CTNND2: variants seen among roughly 807,000 people sequenced by gnomAD.
CTNND2 encodes catenin delta 2.
CTNND2 carries 22 observed loss-of-function variants against 144.4 expected under a neutral mutation model. The ratio of observed to expected loss-of-function variants is 0.15; its 90% CI spans 0.11 to 0.22. CTNND2 has a LOEUF of 0.22. CTNND2 is among the 10% of genes least tolerant of loss of function. The pLI is 1.00. For missense variants in CTNND2, 1,353 were observed against 1,618.8 expected, an observed-to-expected ratio of 0.84 and a Z score of 2.82; for synonymous variants, 751 against 695.6, an observed-to-expected ratio of 1.08 and a Z score of -1.25.
At chr5:11,650,576 A>T (rs1207031424) in intron 2 of CTNND2, among the ~76,000 whole-genome samples, 1 of 152,148 alleles carries the variant, frequency 6.6e-6, no homozygotes. Flanking sequence ...CTTTCTAGAG[A>T]TTTGTTATAT....
At chr5:11,062,488 T>A (rs895395173) in intron 16 of CTNND2, among the ~76,000 whole-genome samples, 1 of 152,252 alleles carries the variant, frequency 6.6e-6, no homozygotes, top group African/African-American at 2.4e-5. Context: ...GCTGCTTTTC[T>A]CTTTACGTGA....
intron 1 of CTNND2, among the ~76,000 whole-genome samples, chr5:11,777,654 G>A (rs921828479): frequency 1.3e-5 from 2 of 152,120 alleles, no homozygotes; most frequent in African/African-American, 4.8e-5. Context: ...GCCTAAAGCA[G>A]GGGAAATGCA....
At chr5:11,467,036 C>A (rs928900788) in intron 3 of CTNND2, among the ~76,000 whole-genome samples, 1 of 152,228 alleles carries the variant, frequency 6.6e-6, no homozygotes, top group African/African-American at 2.4e-5. Context: ...AATGCCCAGG[C>A]TCAAAGGTGG....
At chr5:11,650,995 G>A (rs895281065) in intron 2 of CTNND2, among the ~76,000 whole-genome samples, 2 of 152,212 alleles carry the variant, frequency 1.3e-5, no homozygotes, top group African/African-American at 4.8e-5. Context: ...GCCAGCTGCA[G>A]AAATTTGCAT....
At chr5:11,045,651 C>T (rs534125040) in intron 16 of CTNND2, among the ~76,000 whole-genome samples, 1 of 152,268 alleles carries the variant, frequency 6.6e-6, no homozygotes, top group African/African-American at 2.4e-5. Context: ...TCTTGTGTCT[C>T]TTACAAGGAC....
intron 3 of CTNND2, among the ~76,000 whole-genome samples, chr5:11,435,997 TTGAGA>T (rs1763738083): frequency 6.6e-6 from 1 of 151,908 alleles, no homozygotes; most frequent in African/African-American, 2.4e-5. Flanking sequence ...ACTAGGAGCG[TTGAGA>T]TAACTGGAAT....
Position 11,406,505 on chromosome 5 carries a change from T to C in CTNND2, c.439+5031A>G, listed in dbSNP as rs746061056. Among the ~76,000 whole-genome samples, 32 of 152,330 alleles carry C rather than the reference T, an allele frequency of 2.1e-4. 1 individual carries two copies. The highest frequency in any genetic ancestry group is 2.1e-4 in the Non-Finnish European group (14 of 68,038). On this transcript the variant is annotated intron_variant, in intron 5 of 21. Transcript: ENST00000304623. ...ACCTCTTCTGCATCTTTTGGTGTCA[T>C]GCTTAACACGAATTATGAAAACATT... is the stretch of plus-strand genomic sequence containing the variant.
Position 11,426,995 on chromosome 5 carries a change from T to C in CTNND2, c.288-14926A>G, listed in dbSNP as rs1762836688. The stretch of plus-strand genomic sequence containing the variant: ...CTCCTGCTGCAGTAAGAACAAAGCA[T>C]AGGGAAATGCATGAGCTATGAAATA... On this transcript the variant is annotated intron_variant, in intron 3 of 21. Coordinates refer to ENST00000304623, the MANE Select transcript of CTNND2 (RefSeq NM_001332.4). 2.0e-5 allele frequency among the ~76,000 whole-genome samples: 3 copies of C among 152,156 alleles called. No homozygotes were observed. In the South Asian group the frequency reaches 6.2e-4, roughly 32 times the overall value.
At chr5:11,590,109 G>A (rs545430126) in intron 2 of CTNND2, among the ~76,000 whole-genome samples, 8 of 150,344 alleles carry the variant, frequency 5.3e-5, no homozygotes, top group Non-Finnish European at 1.0e-4. Context: ...GCAGTGACGC[G>A]ATCTAAGTGC....
intron 2 of CTNND2, among the ~76,000 whole-genome samples, chr5:11,586,456 T>G (rs1454404205): frequency 1.3e-5 from 2 of 152,216 alleles, no homozygotes; most frequent in African/African-American, 4.8e-5. Context: ...AATATAAGAC[T>G]TCTAAAATAG....
chr5:11,526,950 C>T (rs1372334451), intron 3 of CTNND2, among the ~76,000 whole-genome samples: 1 of 152,106 alleles, frequency 6.6e-6, no homozygotes, highest in African/African-American at 2.4e-5. Flanking sequence ...ATAGATGAAT[C>T]TTAATGACAT....
chr5:11,788,914 T>TGA (rs1216708669), intron 1 of CTNND2, among the ~76,000 whole-genome samples: 1 of 148,034 alleles, frequency 6.8e-6, no homozygotes, highest in East Asian at 2.1e-4. Context: ...CACCTATGAA[T>TGA]GAGAACATGC....
At chr5:11,094,958 T>C (rs926041517) in intron 15 of CTNND2, among the ~76,000 whole-genome samples, 2 of 152,230 alleles carry the variant, frequency 1.3e-5, no homozygotes, top group Non-Finnish European at 2.9e-5. Flanking sequence ...GCTCTGGATA[T>C]GTGGAATAAC....
chr5:11,545,763 A>C (rs535741902), intron 3 of CTNND2, among the ~76,000 whole-genome samples: 169 of 152,244 alleles, frequency 1.1e-3, no homozygotes, highest in African/African-American at 4.0e-3. Flanking sequence ...TATAAACCTA[A>C]GAGAAATACA....
intron 9 of CTNND2, among the ~76,000 whole-genome samples, chr5:11,332,796 G>A (rs1180166556): frequency 1.3e-5 from 2 of 152,142 alleles, no homozygotes; most frequent in Non-Finnish European, 2.9e-5. Context: ...TAATTCCCAC[G>A]TGTCATGGGA....
At chr5:11,694,855 C>T (rs758753555) in intron 2 of CTNND2, among the ~76,000 whole-genome samples, 16 of 152,148 alleles carry the variant, frequency 1.1e-4, no homozygotes. Flanking sequence ...AAAAAATGAA[C>T]ATATGCTTTG....
At chr5:11,043,300 A>C (rs1744874997) in intron 16 of CTNND2, among the ~76,000 whole-genome samples, 1 of 152,174 alleles carries the variant, frequency 6.6e-6, no homozygotes, top group Non-Finnish European at 1.5e-5. Context: ...TATAATATTG[A>C]CTGTATGTTT....
intron 1 of CTNND2, among the ~76,000 whole-genome samples, chr5:11,821,513 TGAAGA>T (rs1480405589): frequency 6.6e-6 from 1 of 152,042 alleles, no homozygotes; most frequent in Non-Finnish European, 1.5e-5. Context: ...AAATCCTTCA[TGAAGA>T]ATAAAATAGC....
intron 11 of CTNND2, among the ~76,000 whole-genome samples, chr5:11,176,527 T>C (rs1760498901): frequency 6.6e-6 from 1 of 152,202 alleles, no homozygotes; most frequent in Non-Finnish European, 1.5e-5. Flanking sequence ...TCCATTTTAC[T>C]GTGTTTGGAG....
Sources: gnomAD v4.1 joint callset for allele counts (sites outside exome capture counted in the v4.1 genomes callset) on GRCh38, gnomAD v4.1.1 for gene constraint, MANE v1.5 for transcripts, NCBI Gene and HGNC (gene_info 2026-07-23, HGNC 2026-07-21) for gene names.